Variants in N4BP2 observed in about 807,000 individuals in gnomAD.
The protein encoded by N4BP2 is NEDD4-binding protein 2.
In N4BP2, 91 loss-of-function variants were observed where a neutral mutation model predicts 152.8. That is an observed-to-expected ratio of 0.60 (90% CI 0.50 to 0.71). N4BP2 has a LOEUF of 0.71. Among genes scored for constraint, N4BP2 ranks in the 30% least tolerant of loss-of-function variants. The pLI is 0.00. For synonymous variants in N4BP2, 646 were observed against 705.3 expected (o/e 0.92, Z 1.33); for missense variants, 1,923 against 2,059.1 (o/e 0.93, Z 1.28).
chr4:40,168,164 AAG>A, the N4BP2 span, among the ~76,000 whole-genome samples: 21 of 152,272 alleles, frequency 1.4e-4, no homozygotes, highest in South Asian at 8.3e-4. Flanking sequence ...AAAAGGAAAA[AAG>A]AAAATTAATG....
intron 1 of N4BP2, among the ~76,000 whole-genome samples, chr4:40,061,729 A>T (rs1011718487): frequency 1.4e-4 from 21 of 148,344 alleles, no homozygotes; most frequent in African/African-American, 5.3e-4. Context: ...CAGTGGTGTG[A>T]TCTCGGCTCA....
chr4:40,153,389 A>G (rs1188530227), intron 17 of N4BP2, among the ~76,000 whole-genome samples: 1 of 152,208 alleles, frequency 6.6e-6, no homozygotes, highest in African/African-American at 2.4e-5. Flanking sequence ...TAATTTAGGT[A>G]CGTTTAAACT....
In N4BP2 at chr4:40,136,775, C is replaced by A. The variant is rs185116960; in HGVS notation, c.4647-169C>A. On this transcript the variant is annotated intron_variant, in intron 13 of 17. Transcript: ENST00000261435. ...ATTTGATAGTTTCCTTCTGATTATT[C>A]TTGATTTTTTTTTGAGATACACCAT... 4.0e-4 allele frequency among the ~76,000 whole-genome samples: 61 copies of A among 152,172 alleles called. No individual in the cohort carries two copies. In the Middle Eastern group the frequency reaches 0.01, roughly 25 times the overall value.
At chr4:40,097,650 A>G in intron 3 of N4BP2, 81 bp downstream of exon 3, 1 of 790,536 alleles carries the variant, frequency 1.3e-6, no homozygotes, top group Non-Finnish European at 2.0e-6. Flanking sequence ...GTAATATAGA[A>G]AAATGTCTTG....
At chr4:40,180,783 C>T in the N4BP2 span, among the ~76,000 whole-genome samples, 1 of 152,180 alleles carries the variant, frequency 6.6e-6, no homozygotes. Flanking sequence ...CTTGTCCTTG[C>T]TATATTGATT....
chr4:40,077,785 G>C (rs1712909105), intron 2 of N4BP2: 1 of 152,062 alleles, frequency 6.6e-6, no homozygotes, highest in African/African-American at 2.4e-5. Flanking sequence ...ATAGAGATCT[G>C]TTATTTTCTG....
At chr4:40,147,055 G>GCGGCCTT (rs1372329232) in intron 16 of N4BP2, among the ~76,000 whole-genome samples, 2 of 149,952 alleles carry the variant, frequency 1.3e-5, no homozygotes, top group African/African-American at 4.9e-5. Flanking sequence ...AGAGGACCCT[G>GCGGCCTT]CGGCCTTCCG....
chr4:40,083,216 G>A (rs1320571269), intron 2 of N4BP2: 1 of 152,872 alleles, frequency 6.5e-6, no homozygotes, highest in Admixed American at 6.5e-5. Flanking sequence ...AGAAATCAGA[G>A]CCCTTACACA....
rs113673974 is a variant in N4BP2, at chr4:40,072,594, C to T, written c.-211-861C>T. Among the ~76,000 whole-genome samples the T allele has an allele frequency of 4.2e-3, 632 of 151,922 alleles. 8 individuals are homozygous for T. Among genetic ancestry groups the T allele is most frequent in the African/African-American group, 0.015 (602 of 41,448 alleles). Reference sequence around the variant, plus strand: ...GTAGAGATGAGGTTTCATCACGTTGCCCTGGCTGGTCTCCAACTCCTGAGC... The same window carrying T: ...GTAGAGATGAGGTTTCATCACGTTGTCCTGGCTGGTCTCCAACTCCTGAGC... On this transcript the variant is annotated intron_variant, in intron 1 of 17. Coordinates refer to ENST00000261435, the MANE Select transcript of N4BP2 (RefSeq NM_018177.6).
At chr4:40,137,864 C>G (rs563901191) in intron 14 of N4BP2, among the ~76,000 whole-genome samples, 1 of 152,182 alleles carries the variant, frequency 6.6e-6, no homozygotes, top group Middle Eastern at 3.2e-3. Flanking sequence ...GGGACTTCCC[C>G]TGGTTGTCTG....
chr4:40,180,044 A>G, the N4BP2 span, among the ~76,000 whole-genome samples: 1 of 152,112 alleles, frequency 6.6e-6, no homozygotes, highest in Admixed American at 6.5e-5. Flanking sequence ...GATTACAGGC[A>G]TGAGCCACCG....
At chr4:40,118,211 G>A (rs1290880765) in intron 8 of N4BP2, among the ~76,000 whole-genome samples, 187 bp downstream of exon 8, 1 of 152,144 alleles carries the variant, frequency 6.6e-6, no homozygotes, top group African/African-American at 2.4e-5. Flanking sequence ...CTGAGGTCAG[G>A]AGTTCGAGAC....
the N4BP2 span, among the ~76,000 whole-genome samples, chr4:40,168,095 A>G: frequency 1.3e-5 from 2 of 152,158 alleles, no homozygotes; most frequent in South Asian, 4.1e-4. Flanking sequence ...TGTCATTTTG[A>G]AATTATAAGA....
chr4:40,082,093 C>T lies in N4BP2; in HGVS notation c.-115+8542C>T, dbSNP rs1015375498. 3.3e-5 allele frequency among the ~76,000 whole-genome samples: 5 copies of T among 151,952 alleles called. No homozygotes were observed. The East Asian group carries it at 7.7e-4, about 24-fold the overall frequency. ...CGCCATTGCACTCTAGCTTGGGCAACGAGCGAAACTCCATCTCAAAAAAAA... is the reference window on the plus strand; with the variant it reads ...CGCCATTGCACTCTAGCTTGGGCAATGAGCGAAACTCCATCTCAAAAAAAA... On this transcript the variant is annotated intron_variant, in intron 2 of 17. Coordinates refer to ENST00000261435, the MANE Select transcript of N4BP2 (RefSeq NM_018177.6).
At chr4:40,057,332 C>T (rs1270230547) in intron 1 of N4BP2, 1 of 152,530 alleles carries the variant, frequency 6.6e-6, no homozygotes, top group Non-Finnish European at 1.5e-5. Context: ...CCTGGCGGGC[C>T]TCCAGGCCCC....
intron 14 of N4BP2, among the ~76,000 whole-genome samples, chr4:40,141,826 C>G (rs1263037503): frequency 6.6e-6 from 1 of 152,260 alleles, no homozygotes; most frequent in African/African-American, 2.4e-5. Context: ...CAGACTCCAT[C>G]TGCAATCCCG....
chr4:40,124,099 G>C, intron 10 of N4BP2, 61 bp from the exon 11 acceptor site: 1 of 1,246,678 alleles, frequency 8.0e-7, no homozygotes, highest in Non-Finnish European at 1.2e-6. Flanking sequence ...ATATAACCTT[G>C]TATCCTTGTT....
intron 1 of N4BP2, among the ~76,000 whole-genome samples, chr4:40,066,154 C>T (rs1259838567): frequency 6.6e-6 from 1 of 151,650 alleles, no homozygotes; most frequent in Non-Finnish European, 1.5e-5. Flanking sequence ...TGGTGTCAAT[C>T]CCTTGACCTT....
At position 40,093,608 on chromosome 4, in the gene N4BP2, A is replaced by ATTAT. The variant is rs899462401; in HGVS notation, c.-114-3603_-114-3600dup. Among the ~76,000 whole-genome samples, 310 of 149,412 alleles carry ATTAT rather than the reference A, an allele frequency of 2.1e-3. 1 individual carries two copies. The highest frequency in any genetic ancestry group is 3.5e-3 in the Non-Finnish European group (236 of 67,426). On this transcript the variant is annotated intron_variant, in intron 2 of 17. Coordinates refer to ENST00000261435, the MANE Select transcript of N4BP2 (RefSeq NM_018177.6). ...TTGTATTATTTATTTATTTATTATTATTATTTATTTATTTATTTACTTTTG... is the reference window on the plus strand; with the variant it reads ...TTGTATTATTTATTTATTTATTATTATTATTTATTTATTTATTTATTTACTTTTG...
Sources: allele counts gnomAD v4.1 joint callset (sites outside exome capture counted in the v4.1 genomes callset), GRCh38; gene constraint gnomAD v4.1.1; transcripts MANE v1.5; gene names NCBI Gene and HGNC (gene_info 2026-07-23, HGNC 2026-07-21).